The following FRYL variants were observed in gnomAD, a reference collection of about 807,000 sequenced individuals.
The protein encoded by FRYL is FRY like transcription coactivator, also known as protein furry homolog-like.
A neutral mutation model predicts 351.2 loss-of-function variants in FRYL; 150 were observed. The observed-to-expected ratio is 0.43, with a 90% CI of 0.37 to 0.49. FRYL has a LOEUF of 0.49. FRYL is among the 20% of genes least tolerant of loss of function. The pLI is 0.00. For missense variants in FRYL, 3,036 were observed against 3,619.3 expected (o/e 0.84, Z 4.13); for synonymous variants, 1,153 against 1,257.1 (o/e 0.92, Z 1.75).
At chr4:48,727,999 C>T (rs1770273837) in intron 1 of FRYL, among the ~76,000 whole-genome samples, 1 of 152,124 alleles carries the variant, frequency 6.6e-6, no homozygotes, top group Non-Finnish European at 1.5e-5. Context: ...AATCAGAGGA[C>T]TATAGAAGAC....
intron 55 of FRYL, among the ~76,000 whole-genome samples, chr4:48,515,508 C>T (rs1384321982): frequency 6.6e-6 from 1 of 152,088 alleles, no homozygotes; most frequent in African/African-American, 2.4e-5. Context: ...CTTAGGACTA[C>T]AGGCACATGC....
At chr4:48,639,953 AATG>A (rs1220474053) in intron 3 of FRYL, among the ~76,000 whole-genome samples, 1 of 152,158 alleles carries the variant, frequency 6.6e-6, no homozygotes, top group Non-Finnish European at 1.5e-5. Context: ...TTAAAACAAC[AATG>A]ATACACTACT....
At chr4:48,598,976 T>G in intron 13 of FRYL, 2 of 325,942 alleles carry the variant, frequency 6.1e-6, no homozygotes, top group Non-Finnish European at 8.8e-6. Flanking sequence ...CCAAGGTCTC[T>G]ATTTAGAAGA....
intron 3 of FRYL, among the ~76,000 whole-genome samples, chr4:48,673,862 A>C (rs747607375): frequency 2.8e-4 from 43 of 152,194 alleles, no homozygotes; most frequent in Non-Finnish European, 5.1e-4. Flanking sequence ...CGCTCAGCTT[A>C]TGTTCTATTT....
chr4:48,755,447 C>T (rs1323727867), intron 1 of FRYL, among the ~76,000 whole-genome samples: 1 of 152,232 alleles, frequency 6.6e-6, no homozygotes, highest in Non-Finnish European at 1.5e-5. Context: ...TACTCATTAA[C>T]TTTTGAGGTA....
intron 3 of FRYL, 26 bp from the exon 4 acceptor site, chr4:48,634,516 T>C (rs1753847673): frequency 6.3e-7 from 1 of 1,576,628 alleles, no homozygotes; most frequent in East Asian, 2.3e-5. Context: ...ACAAAAGAAC[T>C]CTACTTTAAT....
intron 3 of FRYL, among the ~76,000 whole-genome samples, chr4:48,663,796 AAG>A (rs1761258385): frequency 6.6e-6 from 1 of 150,876 alleles, no homozygotes; most frequent in African/African-American, 2.4e-5. Context: ...AAAAAAAAAA[AAG>A]AGATCCCCTT....
intron 28 of FRYL, among the ~76,000 whole-genome samples, chr4:48,566,851 C>T (rs891442278): frequency 1.3e-5 from 2 of 152,146 alleles, no homozygotes; most frequent in African/African-American, 2.4e-5. Flanking sequence ...ATCAGTAACA[C>T]GGTATCCTTG....
At chr4:48,739,201 GACCA>G (rs2149643185) in intron 1 of FRYL, among the ~76,000 whole-genome samples, 1 of 152,202 alleles carries the variant, frequency 6.6e-6, no homozygotes, top group African/African-American at 2.4e-5. Flanking sequence ...AGGCGTTGAA[GACCA>G]GCCTGGCCAA....
At chr4:48,512,431 C>G in intron 57 of FRYL, 50 bp downstream of exon 57, 1 of 1,365,758 alleles carries the variant, frequency 7.3e-7, no homozygotes, top group Non-Finnish European at 1.0e-6. Context: ...AAAACTGTAA[C>G]TTGATTAGGT....
At chr4:48,613,091 A>G (rs538832535) in intron 7 of FRYL, among the ~76,000 whole-genome samples, 1 of 152,230 alleles carries the variant, frequency 6.6e-6, no homozygotes, top group Non-Finnish European at 1.5e-5. Context: ...ATAATGAACT[A>G]TCTTGGGGAT....
At chr4:48,666,492 T>C (rs1358327932) in intron 3 of FRYL, among the ~76,000 whole-genome samples, 2 of 152,088 alleles carry the variant, frequency 1.3e-5, no homozygotes, top group South Asian at 2.1e-4. Context: ...GTCCAAAACA[T>C]AGATAAATGT....
At chr4:48,510,012 A>C (rs1722140658) in intron 59 of FRYL, 47 bp downstream of exon 59, 2 of 1,229,820 alleles carry the variant, frequency 1.6e-6, no homozygotes, top group Non-Finnish European at 1.2e-6. Context: ...TTACCCTTCC[A>C]GTGTCAAGAG....
chr4:48,651,018 A>G (rs1169926284), intron 3 of FRYL, among the ~76,000 whole-genome samples: 1 of 152,128 alleles, frequency 6.6e-6, no homozygotes, highest in Non-Finnish European at 1.5e-5. Context: ...AGAGCATCCT[A>G]TCATTCAAAA....
intron 44 of FRYL, 67 bp from the exon 45 acceptor site, chr4:48,542,188 A>G: frequency 9.5e-7 from 1 of 1,056,054 alleles, no homozygotes; most frequent in Non-Finnish European, 1.5e-6. Flanking sequence ...TGGACTTCCT[A>G]ATGGGATTTT....
chr4:48,544,891 G>C lies in FRYL; in HGVS notation c.5293C>G (p.Leu1765Val), dbSNP rs1054342569. The C allele has an allele frequency of 1.2e-5, 20 of 1,602,322 alleles. No individual in the cohort carries two copies. Among genetic ancestry groups the C allele is most frequent in the Non-Finnish European group, 1.5e-5 (18 of 1,176,362 alleles). Reference sequence around the variant, plus strand: ...GCAGAAACATCCTCATGGTTCCAAAGGGGCCCTCTTTTTCTGAAAACAGAG... The same window carrying C: ...GCAGAAACATCCTCATGGTTCCAAACGGGCCCTCTTTTTCTGAAAACAGAG... The part of the protein sequence containing the change: ...EFITSRKRGP[L>V]WNHEDVSAKN... Residue 1765 changes from leucine to valine, a missense_variant, in exon 43 of 64, where the codon CTT becomes GTT. Around this residue, in one of 7 missense-constraint regions of FRYL, gnomAD observed 1,987 missense variants for 2,311.7 expected, o/e 0.86. Transcript: ENST00000358350.
At chr4:48,531,014 C>G in intron 50 of FRYL, 142 bp downstream of exon 50, 1 of 613,928 alleles carries the variant, frequency 1.6e-6, no homozygotes, top group Non-Finnish European at 2.9e-6. Context: ...TTCTCCCCAT[C>G]CCCACTTGGT....
chr4:48,698,215 T>C (rs1228788567), intron 2 of FRYL, among the ~76,000 whole-genome samples: 2 of 152,190 alleles, frequency 1.3e-5, no homozygotes, highest in Non-Finnish European at 2.9e-5. Context: ...AGGAAAGACT[T>C]CACTGAAGAA....
At chr4:48,663,166 T>C (rs1333362862) in intron 3 of FRYL, among the ~76,000 whole-genome samples, 1 of 151,796 alleles carries the variant, frequency 6.6e-6, no homozygotes, top group African/African-American at 2.4e-5. Flanking sequence ...ATAATATATG[T>C]AGAAATAAAA....
Sources: allele counts gnomAD v4.1 joint callset (sites outside exome capture counted in the v4.1 genomes callset), GRCh38; gene constraint gnomAD v4.1.1; regional missense constraint gnomAD v4.1.1; transcripts MANE v1.5; gene names NCBI Gene and HGNC (gene_info 2026-07-23, HGNC 2026-07-21).